The following SERINC1 variants were observed in gnomAD, a reference collection of about 807,000 sequenced individuals.
The protein encoded by SERINC1 is serine incorporator 1, also known as tumor differentially expressed protein 2.
In SERINC1, 38 loss-of-function variants were observed where a neutral mutation model predicts 52.9. That is an observed-to-expected ratio of 0.72 (90% confidence interval 0.55 to 0.94). SERINC1 has a LOEUF of 0.94. Among genes scored for constraint, SERINC1 ranks in the 40% least tolerant of loss-of-function variants. SERINC1 has a pLI of 0.00. For synonymous variants in SERINC1, 198 were observed against 183.1 expected, an observed-to-expected ratio of 1.08 and a Z score of -0.66; for missense variants, 471 against 533.9, an observed-to-expected ratio of 0.88 and a Z score of 1.16.
rs778207588 is a variant in SERINC1, at chr6:122,456,577, C to T, written c.275G>A (p.Arg92His). ...GAACATAGCCAAACCAAAGCACAAACGATATACAGCTTTATAGCCAACCAA... is the reference window on the plus strand; with the variant it reads ...GAACATAGCCAAACCAAAGCACAAATGATATACAGCTTTATAGCCAACCAA... Reference protein sequence around the residue: ...NILVGYKAVYRLCFGLAMFYL... With the variant: ...NILVGYKAVYHLCFGLAMFYL... Residue 92 changes from arginine (R) to histidine (H), a missense_variant, in exon 3 of 10, where the codon CGT (arginine) becomes CAT (histidine). By Grantham distance (29) the Arg-to-His change is conservative. Transcript: ENST00000339697. The T allele has an allele frequency of 3.3e-5, 53 of 1,612,216 alleles. 1 individual carries two copies. The highest frequency in any genetic ancestry group is 1.1e-4 in the South Asian group (10 of 90,888).
At position 122,453,776 on chromosome 6, in the gene SERINC1, A is replaced by G; in HGVS notation, c.583T>C (p.Tyr195His). ...TTCTGCGACGAAAGCTTACCTGCAT[A>G]CCAACATCTCGAGTTCCCTTCTTCC... ...KMEEGNSRCW[Y>H]AALLSATALN... is the part of the protein sequence containing the mutation. The change falls in exon 5 of 10, where the codon TAT (tyrosine) becomes CAT (histidine). Residue 195 changes from tyrosine (Y) to histidine (H), a missense_variant. Transcript: ENST00000339697. 2 of 1,600,738 alleles carry G rather than the reference A, an allele frequency of 1.2e-6. No homozygotes were observed. Among genetic ancestry groups the G allele is most frequent in the Non-Finnish European group, 1.7e-6 (2 of 1,171,404 alleles).
chr6:122,452,490 A>C (rs1267948), intron 5 of SERINC1, among the ~76,000 whole-genome samples: 82,810 of 151,976 alleles, frequency 0.54, 22,812 homozygotes, highest in South Asian at 0.68. Context: ...TTAAGCCCTC[A>C]CAACAATGAT....
intron 5 of SERINC1, 26 bp downstream of exon 5, chr6:122,453,744 G>T: frequency 6.4e-7 from 1 of 1,573,698 alleles, no homozygotes; most frequent in African/African-American, 1.4e-5. Context: ...CAACTATACT[G>T]AAGTTGTTCT....
At chr6:122,471,235 C>G (rs1775288574) in intron 1 of SERINC1, among the ~76,000 whole-genome samples, 1 of 151,866 alleles carries the variant, frequency 6.6e-6, no homozygotes, top group African/African-American at 2.4e-5. Flanking sequence ...CGCCACTGAA[C>G]AAAGAGGGCG....
chr6:122,457,727 A>G (rs974398384), intron 2 of SERINC1, among the ~76,000 whole-genome samples: 4 of 152,082 alleles, frequency 2.6e-5, no homozygotes, highest in African/African-American at 9.7e-5. Flanking sequence ...TCCAAAACTG[A>G]GAAATAAATT....
At chr6:122,445,895 A>AAAAAAAAAAAAAAAAAAG (rs1321761456) in intron 9 of SERINC1, among the ~76,000 whole-genome samples, 1 of 149,368 alleles carries the variant, frequency 6.7e-6, no homozygotes, top group African/African-American at 2.4e-5. Context: ...AAAAAAAAAA[A>AAAAAAAAAAAAAAAAAAG]AAAAAGAACC....
At chr6:122,467,717 C>T (rs1348652319) in intron 1 of SERINC1, among the ~76,000 whole-genome samples, 1 of 152,200 alleles carries the variant, frequency 6.6e-6, no homozygotes, top group Non-Finnish European at 1.5e-5. Context: ...AAATAAAGAA[C>T]TAACATGTAA....
chr6:122,465,734 G>A (rs542479840), intron 1 of SERINC1, among the ~76,000 whole-genome samples: 1 of 152,194 alleles, frequency 6.6e-6, no homozygotes, highest in East Asian at 1.9e-4. Flanking sequence ...AAAACACTAA[G>A]ATCAATGAAA....
At position 122,462,715 on chromosome 6, in the gene SERINC1, C is replaced by T. The variant is rs545583786; in HGVS notation, c.40-4034G>A. Among the ~76,000 whole-genome samples, 8 of 152,278 alleles carry T rather than the reference C, an allele frequency of 5.3e-5. No homozygotes were observed. The South Asian group carries it at 1.7e-3, about 32-fold the overall frequency. ...ATGATAAAAAGTCAATATACACAAT[C>T]ATGTTTCTACGTATTAGTAATAACT... On this transcript the variant is annotated intron_variant, in intron 1 of 9. Coordinates refer to ENST00000339697, the MANE Select transcript of SERINC1 (RefSeq NM_020755.4).
chr6:122,458,764 T>G (rs1775047684), intron 1 of SERINC1, 83 bp from the exon 2 acceptor site: 1 of 998,404 alleles, frequency 1.0e-6, no homozygotes, highest in African/African-American at 1.7e-5. Flanking sequence ...AAATTGACAT[T>G]CTATCTGTTA....
intron 7 of SERINC1, among the ~76,000 whole-genome samples, chr6:122,447,980 G>A (rs1203157964): frequency 6.6e-6 from 1 of 151,980 alleles, no homozygotes; most frequent in East Asian, 1.9e-4. Context: ...TGGGCGTGGT[G>A]GCATGTGCCT....
In SERINC1 at chr6:122,444,537, T is replaced by A. The variant is rs902209766; in HGVS notation, c.*507A>T. ...ACACTATTGTCCACTAAACACTCCC[T>A]ACCTGTGTAAATTCCGTATCAAGGG... On this transcript the variant is annotated 3_prime_UTR_variant, in exon 10 of 10. Coordinates refer to ENST00000339697, the MANE Select transcript of SERINC1 (RefSeq NM_020755.4). The A allele has an allele frequency of 3.9e-5, 6 of 153,902 alleles. No homozygotes were observed. The highest frequency in any genetic ancestry group is 1.4e-4 in the African/African-American group (6 of 41,482). 9.5% of individuals were successfully genotyped at this position (153,902 alleles called of 1,614,324 possible).
rs538670201 is a variant in SERINC1 at position 122,446,882 on chromosome 6, C to G, written c.1118G>C (p.Arg373Pro). The part of the protein sequence containing the change: ...GSLEDGDDVH[R>P]AVDNERDGVT... ...ACCATCCCTTTCATTATCTACAGCT[C>G]GGTGAACATCGTCCCCATCCTCCAG... The change falls in exon 9 of 10, where the codon CGA (arginine) becomes CCA (proline). Residue 373 changes from arginine (R) to proline (P), a missense_variant. Arg to Pro is a moderately radical substitution (Grantham distance 103). Transcript: ENST00000339697. 6.2e-7 allele frequency: 1 copy of G among 1,613,304 alleles called. No individual in the cohort carries two copies. The highest frequency in any genetic ancestry group is 8.5e-7 in the Non-Finnish European group (1 of 1,179,262).
At chr6:122,456,172 C>T (rs1423999283) in intron 3 of SERINC1, among the ~76,000 whole-genome samples, 1 of 152,138 alleles carries the variant, frequency 6.6e-6, no homozygotes. Flanking sequence ...TGTAAGTGGA[C>T]TGGTCCACCT....
At chr6:122,464,601 A>G (rs534781432) in intron 1 of SERINC1, among the ~76,000 whole-genome samples, 2 of 152,222 alleles carry the variant, frequency 1.3e-5, no homozygotes, top group Non-Finnish European at 2.9e-5. Flanking sequence ...AAATTCGTAT[A>G]CTATATTATA....
At chr6:122,445,743 C>CA (rs898729047) in intron 9 of SERINC1, among the ~76,000 whole-genome samples, 1 of 151,716 alleles carries the variant, frequency 6.6e-6, no homozygotes, top group African/African-American at 2.4e-5. Context: ...TATTATGTGA[C>CA]AGCCAAGGAT....
At chr6:122,462,253 T>C (rs956801376) in intron 1 of SERINC1, among the ~76,000 whole-genome samples, 16 of 152,200 alleles carry the variant, frequency 1.1e-4, no homozygotes, top group African/African-American at 3.9e-4. Context: ...CAAATACCTA[T>C]AGCTCTCACC....
Position 122,451,227 on chromosome 6 carries a change from T to C in SERINC1, c.850+437A>G, listed in dbSNP as rs1354899336. On this transcript the variant is annotated intron_variant, in intron 7 of 9. Transcript: ENST00000339697. ...CCGTCAACATTGAGGCAAGACCTCC[T>C]ACCAGCAAAAAGATTACAACTTGAT... Among the ~76,000 whole-genome samples, 3 of 152,206 alleles carry C rather than the reference T, an allele frequency of 2.0e-5. No individual in the cohort carries two copies. In the East Asian group the frequency reaches 5.8e-4, roughly 29 times the overall value.
In SERINC1 at chr6:122,445,006, C is replaced by A; in HGVS notation, c.*38G>T. On this transcript the variant is annotated 3_prime_UTR_variant, in exon 10 of 10. Coordinates refer to ENST00000339697, the MANE Select transcript of SERINC1 (RefSeq NM_020755.4). Reference sequence around the variant, plus strand: ...GTTGGGAATACTGTTTTCAAATAAGCAATAATCAAAGTGGGACTTTCATGC... The same window carrying A: ...GTTGGGAATACTGTTTTCAAATAAGAAATAATCAAAGTGGGACTTTCATGC... The A allele has an allele frequency of 6.3e-7, 1 of 1,592,084 alleles. No homozygotes were observed. The highest frequency in any genetic ancestry group is 2.3e-5 in the East Asian group (1 of 44,316).
Sources: allele counts gnomAD v4.1 joint callset (sites outside exome capture counted in the v4.1 genomes callset), GRCh38; gene constraint gnomAD v4.1.1; transcripts MANE v1.5; gene names NCBI Gene and HGNC (gene_info 2026-07-23, HGNC 2026-07-21).